Variants in TNRC6C observed in about 807,000 individuals in gnomAD.
TNRC6C encodes the protein trinucleotide repeat-containing gene 6C protein.
TNRC6C carries 20 observed loss-of-function variants against 153.7 expected under a neutral mutation model. The observed-to-expected ratio is 0.13, with a 90% CI of 0.09 to 0.19. TNRC6C has a LOEUF of 0.19. Among genes scored for constraint, TNRC6C ranks in the 10% least tolerant of loss-of-function variants. TNRC6C has a pLI of 1.00. For synonymous variants in TNRC6C, 811 were observed against 841.4 expected (o/e 0.96, Z 0.63); for missense variants, 1,987 against 2,172.0 (o/e 0.91, Z 1.69).
chr17:78,050,855 A>T (rs201689202), exon 3 of TNRC6C: 32 of 1,613,720 alleles, frequency 2.0e-5, no homozygotes, highest in Non-Finnish European at 1.9e-5. Flanking sequence ...GGAGGGGGAG[A>T]TTGGGCAGAT....
chr17:77,987,539 T>G (rs148607397), intron 1 of TNRC6C, among the ~76,000 whole-genome samples: 158 of 152,246 alleles, frequency 1.0e-3, no homozygotes, highest in African/African-American at 3.6e-3. Flanking sequence ...AGAACAAATA[T>G]AAACAAAGGG....
intron 1 of TNRC6C, among the ~76,000 whole-genome samples, chr17:77,988,252 G>T (rs1378640969): frequency 6.6e-6 from 1 of 152,084 alleles, no homozygotes; most frequent in Admixed American, 6.5e-5. Flanking sequence ...GTGTGGTGTA[G>T]CCTGTGGTCC....
At chr17:77,974,668 C>A (rs1179320646) in intron 1 of TNRC6C, among the ~76,000 whole-genome samples, 3 of 152,180 alleles carry the variant, frequency 2.0e-5, no homozygotes, top group Admixed American at 2.0e-4. Context: ...TTTATATTAC[C>A]ATTGTTATTC....
chr17:78,015,620 G>GTAC (rs2071712733), intron 1 of TNRC6C, among the ~76,000 whole-genome samples: 2 of 152,164 alleles, frequency 1.3e-5, no homozygotes, highest in Admixed American at 1.3e-4. Context: ...AGATTTAAAT[G>GTAC]TACTACTTGG....
chr17:77,975,358 A>G (rs2070984175), intron 1 of TNRC6C, among the ~76,000 whole-genome samples: 1 of 152,202 alleles, frequency 6.6e-6, no homozygotes, highest in Non-Finnish European at 1.5e-5. Context: ...CACAGTCAAG[A>G]TAATGAGCAT....
At chr17:78,093,516 G>T in intron 15 of TNRC6C, 104 bp from the exon 18 acceptor site, 1 of 1,408,672 alleles carries the variant, frequency 7.1e-7, no homozygotes. Flanking sequence ...TTAATTAGCA[G>T]ATTATAAAAA....
chr17:78,097,688 G>T, intron 16 of TNRC6C, 57 bp from the exon 19 acceptor site: 1 of 1,262,112 alleles, frequency 7.9e-7, no homozygotes. Flanking sequence ...CCCACAGTTA[G>T]AGTCATGAAC....
intron 1 of TNRC6C, among the ~76,000 whole-genome samples, chr17:78,030,250 A>G (rs1458413133): frequency 6.6e-6 from 1 of 152,034 alleles, no homozygotes. Flanking sequence ...CCCGGGTTCA[A>G]GCAATTCTCC....
At chr17:78,097,678 C>T (rs2073511756) in intron 16 of TNRC6C, 67 bp from the exon 19 acceptor site, 2 of 1,147,792 alleles carry the variant, frequency 1.7e-6, no homozygotes, top group South Asian at 1.6e-5. Context: ...GTTCTCACAC[C>T]CCACAGTTAG....
At chr17:78,099,544 T>G (rs1409517007) in intron 17 of TNRC6C, among the ~76,000 whole-genome samples, 7 of 152,162 alleles carry the variant, frequency 4.6e-5, no homozygotes, top group African/African-American at 1.7e-4. Context: ...TCAGCTCTCA[T>G]GAGACTTACT....
rs1567936022 is a variant in TNRC6C at position 78,049,753 on chromosome 17, T to C, written c.691T>C (p.Ser231Pro). ...GCAAGGCCTTCCTGGTGCTAATGGA[T>C]CATCAGTTTCTCAAGTCAGTGGGGG... The change falls in exon 3 of 20, where the codon TCA becomes CCA. Residue 231 changes from serine (S) to proline (P), a missense_variant. Physicochemically the swap from Ser to Pro is moderately conservative, Grantham distance 74. Coordinates refer to ENST00000301624, the Ensembl canonical transcript of TNRC6C. The surrounding 1 kb of genome is among the most constrained non-coding windows in gnomAD (Gnocchi z 4.1). The C allele has an allele frequency of 6.3e-7, 1 of 1,589,648 alleles. No homozygotes were observed. Among genetic ancestry groups the C allele is most frequent in the Non-Finnish European group, 8.6e-7 (1 of 1,166,150 alleles).
exon 3 of TNRC6C, chr17:78,050,762 A>G: frequency 1.3e-6 from 2 of 1,598,722 alleles, no homozygotes; most frequent in Non-Finnish European, 8.5e-7. Flanking sequence ...CAGGAGGACA[A>G]GTCACCCACC....
Position 78,104,718 on chromosome 17 carries a change from G to A in TNRC6C, c.4946G>A (p.Gly1649Asp). 1.3e-6 allele frequency: 2 copies of A among 1,536,068 alleles called. No individual in the cohort carries two copies. Among genetic ancestry groups the A allele is most frequent in the Non-Finnish European group, 8.7e-7 (1 of 1,144,282 alleles). ...AAGGGGAGCAGTGAGCTGCTGTGGG[G>A]CGGGGTGCCCCAGTACTCCAGCAGC... The change falls in exon 20 of 20, where the codon GGC (glycine) becomes GAC (aspartate). Residue 1649 changes from glycine (G) to aspartate (D), a missense_variant. Gly to Asp is a moderately conservative substitution (Grantham distance 94). Coordinates refer to ENST00000301624, the Ensembl canonical transcript of TNRC6C. This position sits in a 1 kb window ranked among gnomAD's most constrained non-coding sequence, Gnocchi z 6.2.
Position 78,049,838 on chromosome 17 carries a change from G to C in TNRC6C, c.776G>C (p.Gly259Ala). The stretch of plus-strand genomic sequence containing the variant: ...CTGTCCCCAGGTAACCCTGCCACAG[G>C]AAATAGCAATTCTGGGTTCAGTCAG... The change falls in exon 3 of 20, where the codon GGA becomes GCA. Residue 259 changes from glycine to alanine, a missense_variant. Transcript: ENST00000301624. The surrounding 1 kb of genome is among the most constrained non-coding windows in gnomAD (Gnocchi z 4.1). 1 of 1,613,570 alleles carries C rather than the reference G, an allele frequency of 6.2e-7. No individual in the cohort carries two copies. Among genetic ancestry groups the C allele is most frequent in the Non-Finnish European group, 8.5e-7 (1 of 1,179,608 alleles).
intron 3 of TNRC6C, among the ~76,000 whole-genome samples, chr17:78,057,401 G>A (rs2072679975): frequency 6.6e-6 from 1 of 152,244 alleles, no homozygotes. Context: ...ATTTGAGCCT[G>A]TAGAAGTAAC....
At chr17:78,003,634 CAGAA>C (rs1167340754), upstream of TNRC6C, among the ~76,000 whole-genome samples, 3 of 152,046 alleles carry the variant, frequency 2.0e-5, no homozygotes, top group Admixed American at 6.5e-5. Flanking sequence ...TATTTAGAAA[CAGAA>C]GGAAGGTGTT....
chr17:78,050,543 A>T (rs2072504839), exon 3 of TNRC6C: 1 of 1,613,800 alleles, frequency 6.2e-7, no homozygotes, highest in East Asian at 2.2e-5. Context: ...GGGAAGAACG[A>T]TGGGTCCATC....
At chr17:78,051,500 C>G in intron 3 of TNRC6C, 52 bp downstream of exon 5, 2 of 996,760 alleles carry the variant, frequency 2.0e-6, no homozygotes, top group Non-Finnish European at 1.4e-6. Flanking sequence ...AAAAAAAAAG[C>G]TTATTCTCAT....
chr17:78,093,893 C>A, intron 16 of TNRC6C, 130 bp downstream of exon 18: 1 of 1,054,438 alleles, frequency 9.5e-7, no homozygotes, highest in Non-Finnish European at 1.3e-6. Flanking sequence ...CTTTTCTAGT[C>A]ACCTGAAGCA....
Sources: allele counts gnomAD v4.1 joint callset (sites outside exome capture counted in the v4.1 genomes callset), GRCh38; gene constraint gnomAD v4.1.1; non-coding constraint Gnocchi (gnomAD v3.1); transcripts MANE v1.5; gene names NCBI Gene and HGNC (gene_info 2026-07-23, HGNC 2026-07-21).